Variants in TINAG observed in about 807,000 individuals in gnomAD.
TINAG encodes the protein tubulointerstitial nephritis antigen.
In TINAG, 83 loss-of-function variants were observed where a neutral mutation model predicts 72.7. The ratio of observed to expected loss-of-function variants is 1.14; its 90% CI spans 0.96 to 1.37. The LOEUF (loss-of-function observed/expected upper bound fraction) is 1.37, where lower values mean the gene tolerates loss of function less well. Ranked by LOEUF, TINAG falls within the 40% of genes most tolerant of loss-of-function variation. The probability of loss-of-function intolerance (pLI) is 0.00; values close to 1 mark genes in which losing one functional copy is unlikely to be tolerated. For synonymous variants in TINAG, 234 were observed against 189.9 expected (o/e 1.23, Z -1.91); for missense variants, 685 against 576.6 (o/e 1.19, Z -1.93).
At chr6:54,363,729 G>A (rs898107887) in intron 9 of TINAG, among the ~76,000 whole-genome samples, 1 of 151,482 alleles carries the variant, frequency 6.6e-6, no homozygotes, top group African/African-American at 2.4e-5. Flanking sequence ...ACTAAGCCAT[G>A]AGAACATTCA....
chr6:54,361,897 A>G (rs549990358), intron 9 of TINAG, among the ~76,000 whole-genome samples: 19 of 151,852 alleles, frequency 1.3e-4, no homozygotes, highest in African/African-American at 4.3e-4. Context: ...ACAAGCCACA[A>G]CATGTCCTTA....
intron 9 of TINAG, among the ~76,000 whole-genome samples, chr6:54,366,544 T>G (rs1228381123): frequency 6.6e-6 from 1 of 150,382 alleles, no homozygotes; most frequent in East Asian, 2.0e-4. Context: ...AGAATACAAA[T>G]ATCAATAGAA....
intron 5 of TINAG, among the ~76,000 whole-genome samples, chr6:54,344,516 G>A (rs1785074494): frequency 6.6e-6 from 1 of 152,142 alleles, no homozygotes. Context: ...TGGGTGGAGA[G>A]AGGTTTAATA....
chr6:54,350,228 G>T (rs780734039), intron 7 of TINAG, among the ~76,000 whole-genome samples: 2 of 151,836 alleles, frequency 1.3e-5, no homozygotes, highest in Non-Finnish European at 2.9e-5. Context: ...CTTTTTTGTG[G>T]TATTAGCTCA....
At chr6:54,351,031 G>C (rs1476297101) in intron 7 of TINAG, among the ~76,000 whole-genome samples, 1 of 151,706 alleles carries the variant, frequency 6.6e-6, no homozygotes, top group East Asian at 2.0e-4. Flanking sequence ...ACAATCATTT[G>C]GGATATCTCT....
At chr6:54,368,140 T>A (rs1029112268) in intron 9 of TINAG, among the ~76,000 whole-genome samples, 4 of 151,184 alleles carry the variant, frequency 2.6e-5, no homozygotes, top group African/African-American at 7.3e-5. Flanking sequence ...GATTTTGTAA[T>A]TTTATTTCTG....
intron 9 of TINAG, among the ~76,000 whole-genome samples, chr6:54,370,152 GT>G (rs1445025668): frequency 1.3e-5 from 2 of 152,036 alleles, no homozygotes; most frequent in Non-Finnish European, 2.9e-5. Context: ...ATGACAGTTG[GT>G]TCTTCTTGCT....
intron 9 of TINAG, among the ~76,000 whole-genome samples, chr6:54,370,229 G>GC (rs1230155459): frequency 6.6e-6 from 1 of 152,014 alleles, no homozygotes; most frequent in Non-Finnish European, 1.5e-5. Context: ...ATTATTTTAT[G>GC]CCCACCTTAA....
chr6:54,310,654 C>A, intron 1 of TINAG, among the ~76,000 whole-genome samples: 1 of 145,408 alleles, frequency 6.9e-6, no homozygotes, highest in South Asian at 2.2e-4. Flanking sequence ...CTTTCTTTCT[C>A]TTTCTTTTTC....
intron 3 of TINAG, among the ~76,000 whole-genome samples, chr6:54,324,737 G>A (rs1219955075): frequency 6.6e-6 from 1 of 152,056 alleles, no homozygotes. Flanking sequence ...TCAGTCAGTA[G>A]GTATTGCTAA....
intron 3 of TINAG, among the ~76,000 whole-genome samples, 183 bp from the exon 4 acceptor site, chr6:54,326,619 C>A (rs1033794180): frequency 1.3e-5 from 2 of 151,884 alleles, no homozygotes; most frequent in African/African-American, 2.4e-5. Flanking sequence ...GTATCTCATA[C>A]CCTTGATTAT....
chr6:54,318,313 A>C (rs886897743), intron 1 of TINAG, among the ~76,000 whole-genome samples: 1 of 152,152 alleles, frequency 6.6e-6, no homozygotes, highest in Non-Finnish European at 1.5e-5. Context: ...AAATATACAC[A>C]GTAGCAGTCT....
At position 54,330,576 on chromosome 6, in the gene TINAG, G is replaced by T. The variant is rs1444957885; in HGVS notation, c.624+3660G>T. Among the ~76,000 whole-genome samples, 3 of 152,224 alleles carry T rather than the reference G, an allele frequency of 2.0e-5. No homozygotes were observed. The East Asian group carries it at 5.8e-4, about 29-fold the overall frequency. On this transcript the variant is annotated intron_variant, in intron 4 of 10. Transcript: ENST00000259782. ...GAAGCAAGAGCAAACAAATTCAAAA[G>T]CTAGCAGAAGACGAGAAATAACTAA...
At chr6:54,349,566 T>G in intron 6 of TINAG, 150 bp from the exon 7 acceptor site, 2 of 524,338 alleles carry the variant, frequency 3.8e-6, no homozygotes, top group Non-Finnish European at 6.2e-6. Flanking sequence ...TCATTGAGCT[T>G]CTGTGTTGGA....
intron 10 of TINAG, among the ~76,000 whole-genome samples, chr6:54,389,157 C>T (rs1236459902): frequency 6.6e-6 from 1 of 152,112 alleles, no homozygotes; most frequent in African/African-American, 2.4e-5. Context: ...CTTAATTTCA[C>T]TGCTTCATAC....
At chr6:54,351,462 T>A (rs534777841) in intron 8 of TINAG, 65 bp downstream of exon 8, 3 of 1,451,274 alleles carry the variant, frequency 2.1e-6, no homozygotes, top group Admixed American at 3.7e-5. Flanking sequence ...TACATTGAGC[T>A]CATGTAATAG....
At chr6:54,382,957 C>T (rs1330510421) in intron 10 of TINAG, among the ~76,000 whole-genome samples, 1 of 152,118 alleles carries the variant, frequency 6.6e-6, no homozygotes, top group Admixed American at 6.6e-5. Context: ...CAAGGTCCAG[C>T]TAGACAGCAA....
At chr6:54,383,063 G>A (rs566119283) in intron 10 of TINAG, among the ~76,000 whole-genome samples, 68 of 152,188 alleles carry the variant, frequency 4.5e-4, no homozygotes, top group Non-Finnish European at 7.4e-4. Context: ...GCTTAATTTA[G>A]GACCTTGTCT....
chr6:54,377,513 GAAATAAAT>G (rs58647495), intron 9 of TINAG, among the ~76,000 whole-genome samples: 1 of 151,096 alleles, frequency 6.6e-6, no homozygotes, highest in African/African-American at 2.4e-5. Flanking sequence ...CTCGGTCTCA[GAAATAAAT>G]AAATAAATAA....
Sources: allele counts gnomAD v4.1 joint callset (sites outside exome capture counted in the v4.1 genomes callset), GRCh38; gene constraint gnomAD v4.1.1; transcripts MANE v1.5; gene names NCBI Gene and HGNC (gene_info 2026-07-23, HGNC 2026-07-21).